Variants in IL15RA observed in about 807,000 individuals in gnomAD.
IL15RA encodes the protein interleukin 15 receptor subunit alpha.
A neutral mutation model predicts 24.2 loss-of-function variants in IL15RA; 26 were observed. That is an observed-to-expected ratio of 1.07 (90% CI 0.79 to 1.49). IL15RA has a LOEUF of 1.49. Ranked by LOEUF, IL15RA falls within the 40% of genes most tolerant of loss-of-function variation. IL15RA has a pLI of 0.00. For missense variants in IL15RA, 354 were observed against 356.4 expected (o/e 0.99, Z 0.05); for synonymous variants, 166 against 157.6 (o/e 1.05, Z -0.40).
At position 5,965,171 on chromosome 10, in the gene IL15RA, G is replaced by A. The variant is rs753344569; in HGVS notation, c.283+974C>T. Among the ~76,000 whole-genome samples the A allele has an allele frequency of 6.6e-6, 1 of 152,172 alleles. No homozygotes were observed. The highest frequency in any genetic ancestry group is 1.5e-5 in the Non-Finnish European group (1 of 68,014). On this transcript the variant is annotated intron_variant, in intron 2 of 6. Transcript: ENST00000379977. This position sits in a 1 kb window ranked among gnomAD's most constrained non-coding sequence, Gnocchi z 5.8. ...AGTGTTCCAGAAACAGCTCCAAGTGGTTCCCACCCGAGATGGTTTGGCTGC... is the reference window on the plus strand; with the variant it reads ...AGTGTTCCAGAAACAGCTCCAAGTGATTCCCACCCGAGATGGTTTGGCTGC...
Position 5,961,539 on chromosome 10 carries a change from C to G in IL15RA, c.383-972G>C, listed in dbSNP as rs538240865. On this transcript the variant is annotated intron_variant, in intron 3 of 6. Coordinates refer to ENST00000379977, the MANE Select transcript of IL15RA (RefSeq NM_002189.4). The surrounding 1 kb of genome is among the most constrained non-coding windows in gnomAD (Gnocchi z 5.2). ...TGAAGCTGCGCTGGCCGAGGACGCTCGGAGCGGCTGCGTGTGAAACACGGG... is the reference window on the plus strand; with the variant it reads ...TGAAGCTGCGCTGGCCGAGGACGCTGGGAGCGGCTGCGTGTGAAACACGGG... 6.6e-6 allele frequency among the ~76,000 whole-genome samples: 1 copy of G among 152,358 alleles called. No homozygotes were observed. The highest frequency in any genetic ancestry group is 2.1e-4 in the South Asian group (1 of 4,830).
Position 5,965,240 on chromosome 10 carries a change from T to C in IL15RA, c.283+905A>G, listed in dbSNP as rs1836313508. On this transcript the variant is annotated intron_variant, in intron 2 of 6. Coordinates refer to ENST00000379977, the MANE Select transcript of IL15RA (RefSeq NM_002189.4). The surrounding 1 kb of genome is among the most constrained non-coding windows in gnomAD (Gnocchi z 5.8). ...GGTGCAGACAGTTAAAAAAAAAAGT[T>C]GATTCTTGCCACCTTCCCTCACCCC... Among the ~76,000 whole-genome samples, 1 of 151,420 alleles carries C rather than the reference T, an allele frequency of 6.6e-6. No homozygotes were observed.
Position 5,960,517 on chromosome 10 carries a change from C to G in IL15RA, c.433G>C (p.Ala145Pro). The G allele has an allele frequency of 6.2e-7, 1 of 1,614,192 alleles. No individual in the cohort carries two copies. The highest frequency in any genetic ancestry group is 8.5e-7 in the Non-Finnish European group (1 of 1,180,034). The part of the protein sequence containing the change: ...SSNNTAATTA[A>P]IVPGSQLMPS... ...ATCAGCTGGGAGCCCGGGACAATAG[C>G]TGCTGTTGTGGCCGCTGTGTTGTTT... The change falls in exon 4 of 7, where the codon GCT becomes CCT. Residue 145 changes from alanine to proline, a missense_variant. Transcript: ENST00000379977. This position sits in a 1 kb window ranked among gnomAD's most constrained non-coding sequence, Gnocchi z 5.1.
rs1398348932 is a variant in IL15RA, at chr10:5,968,775, C to T, written c.89-2436G>A. 1 of 704,412 alleles carries T rather than the reference C, an allele frequency of 1.4e-6. No homozygotes were observed. The highest frequency in any genetic ancestry group is 1.7e-5 in the African/African-American group (1 of 57,384). The allele number at this position is 704,412 out of a possible 1,614,324, so 43.6% of individuals were successfully genotyped here. A position where few individuals can be genotyped will look rare whatever the true frequency, so the allele number is the denominator to read the frequency against. ...CCCTCCATGATAGATGGCTGTGCTA[C>T]CTGCTTGCTGCCTGCTTGTCCGATG... On this transcript the variant is annotated intron_variant, in intron 1 of 6. Coordinates refer to ENST00000379977, the MANE Select transcript of IL15RA (RefSeq NM_002189.4). The surrounding 1 kb of genome is among the most constrained non-coding windows in gnomAD (Gnocchi z 5.4).
At chr10:5,949,240 G>C (rs989143740), downstream of IL15RA, 3 of 471,168 alleles carry the variant, frequency 6.4e-6, no homozygotes, top group Non-Finnish European at 1.3e-5. This position sits in a 1 kb window ranked among gnomAD's most constrained non-coding sequence, Gnocchi z 4.4. Flanking sequence ...TTCTCTGTGA[G>C]CTGCAAGTCA....
upstream of IL15RA, chr10:5,977,591 G>A (rs991325518): frequency 4.4e-5 from 55 of 1,256,874 alleles, no homozygotes; most frequent in Non-Finnish European, 5.4e-5. Context: ...CGCCCCGCCA[G>A]TCGCATTCGC....
rs1835045905 is a variant in IL15RA, at chr10:5,959,106, T to G, written c.616+648A>C. Among the ~76,000 whole-genome samples, 1 of 152,154 alleles carries G rather than the reference T, an allele frequency of 6.6e-6. No homozygotes were observed. Among genetic ancestry groups the G allele is most frequent in the Non-Finnish European group, 1.5e-5 (1 of 68,036 alleles). On this transcript the variant is annotated intron_variant, in intron 5 of 6. Transcript: ENST00000379977. This position sits in a 1 kb window ranked among gnomAD's most constrained non-coding sequence, Gnocchi z 4.1. Reference sequence around the variant, plus strand: ...CCTAGCCTTAGCATTGCGTGTGACTTCTGTAAAGAGGAGCAGATTTTTGGT... The same window carrying G: ...CCTAGCCTTAGCATTGCGTGTGACTGCTGTAAAGAGGAGCAGATTTTTGGT...
Position 5,970,522 on chromosome 10 carries a change from C to A in IL15RA, c.89-4183G>T, listed in dbSNP as rs1589243582. ...GAAAGGAAGTCTATCAGTGGTTCTT[C>A]CATTCTGAACGGTCCTCAAACCAAG... On this transcript the variant is annotated intron_variant, in intron 1 of 6. Coordinates refer to ENST00000379977, the MANE Select transcript of IL15RA (RefSeq NM_002189.4). This position sits in a 1 kb window ranked among gnomAD's most constrained non-coding sequence, Gnocchi z 4.1. Among the ~76,000 whole-genome samples, 2 of 152,168 alleles carry A rather than the reference C, an allele frequency of 1.3e-5. No homozygotes were observed. The highest frequency in any genetic ancestry group is 6.8e-3 in the Middle Eastern group (2 of 294).
In IL15RA at chr10:5,975,248, A is replaced by G. The variant is rs1772570827; in HGVS notation, c.88+2157T>C. The stretch of plus-strand genomic sequence containing the variant: ...GCCATGGGTAGAATACTACTACTCA[A>G]TGGTAGAAACTAATGAACTACTTAT... On this transcript the variant is annotated intron_variant, in intron 1 of 6. Transcript: ENST00000379977. This position sits in a 1 kb window ranked among gnomAD's most constrained non-coding sequence, Gnocchi z 4.8. Among the ~76,000 whole-genome samples the G allele has an allele frequency of 6.6e-6, 1 of 152,352 alleles. No homozygotes were observed. The highest frequency in any genetic ancestry group is 2.1e-4 in the South Asian group (1 of 4,828).
At chr10:5,951,274 G>A (rs1380255295), downstream of IL15RA, among the ~76,000 whole-genome samples, 2 of 151,532 alleles carry the variant, frequency 1.3e-5, no homozygotes, top group African/African-American at 2.4e-5. Flanking sequence ...AGTGAGCCAA[G>A]ATTGCATCAC....
rs961480056 is a variant in IL15RA, at chr10:5,962,572, A to G, written c.382+1171T>C. On this transcript the variant is annotated intron_variant, in intron 3 of 6. Transcript: ENST00000379977. The surrounding 1 kb of genome is among the most constrained non-coding windows in gnomAD (Gnocchi z 5.2). ...TCACCTCTGCCCTCCAGACTGGGCA[A>G]TAGAGCAAGACCCCATCTCAAAAAA... Among the ~76,000 whole-genome samples the G allele has an allele frequency of 6.7e-6, 1 of 149,782 alleles. No homozygotes were observed. Among genetic ancestry groups the G allele is most frequent in the African/African-American group, 2.5e-5 (1 of 40,280 alleles).
chr10:5,965,257 C>T lies in IL15RA; in HGVS notation c.283+888G>A, dbSNP rs899568552. On this transcript the variant is annotated intron_variant, in intron 2 of 6. Coordinates refer to ENST00000379977, the MANE Select transcript of IL15RA (RefSeq NM_002189.4). The surrounding 1 kb of genome is among the most constrained non-coding windows in gnomAD (Gnocchi z 5.8). ...AAAAAAGTTGATTCTTGCCACCTTCCCTCACCCCTGCTGGACACCATGCAC... is the reference window on the plus strand; with the variant it reads ...AAAAAAGTTGATTCTTGCCACCTTCTCTCACCCCTGCTGGACACCATGCAC... Among the ~76,000 whole-genome samples the T allele has an allele frequency of 7.9e-5, 12 of 152,192 alleles. No individual in the cohort carries two copies. Among genetic ancestry groups the T allele is most frequent in the Admixed American group, 7.8e-4 (12 of 15,290 alleles).
At chr10:5,972,642 C>T (rs1037392891) in intron 1 of IL15RA, among the ~76,000 whole-genome samples, 1 of 152,220 alleles carries the variant, frequency 6.6e-6, no homozygotes, top group Non-Finnish European at 1.5e-5. Flanking sequence ...CAACTGCATA[C>T]ATGCCCACAT....
At chr10:5,949,000 T>C (rs1833689483), downstream of IL15RA, 1 of 322,398 alleles carries the variant, frequency 3.1e-6, no homozygotes, top group African/African-American at 2.2e-5. Flanking sequence ...TATAAATGCA[T>C]ATATATGTAA....
In IL15RA at chr10:5,961,555, G is replaced by C. The variant is rs542987954; in HGVS notation, c.383-988C>G. On this transcript the variant is annotated intron_variant, in intron 3 of 6. Coordinates refer to ENST00000379977, the MANE Select transcript of IL15RA (RefSeq NM_002189.4). The surrounding 1 kb of genome is among the most constrained non-coding windows in gnomAD (Gnocchi z 5.2). The stretch of plus-strand genomic sequence containing the variant: ...GAGGACGCTCGGAGCGGCTGCGTGT[G>C]AAACACGGGAAGCCTGGGCTCTGGC... Among the ~76,000 whole-genome samples, 1 of 152,388 alleles carries C rather than the reference G, an allele frequency of 6.6e-6. No individual in the cohort carries two copies. Among genetic ancestry groups the C allele is most frequent in the East Asian group, 1.9e-4 (1 of 5,188 alleles).
chr10:5,953,216 A>C lies in IL15RA; in HGVS notation c.693-10T>G. On this transcript the variant is annotated splice_polypyrimidine_tract_variant and intron_variant, in intron 6 of 6. Coordinates refer to ENST00000379977, the MANE Select transcript of IL15RA (RefSeq NM_002189.4). This position sits in a 1 kb window ranked among gnomAD's most constrained non-coding sequence, Gnocchi z 5.3. ...CAGCGGGGGAGTTTGCCTGCAAAGC[A>C]GGTGGTTCATAGGTTTTGAAAAGAG... The C allele has an allele frequency of 6.2e-7, 1 of 1,606,660 alleles. No individual in the cohort carries two copies. Among genetic ancestry groups the C allele is most frequent in the Admixed American group, 1.7e-5 (1 of 60,010 alleles).
In IL15RA at chr10:5,953,208, T is replaced by G. The variant is rs929310479; in HGVS notation, c.693-2A>C. 3 of 1,611,642 alleles carry G rather than the reference T, an allele frequency of 1.9e-6. No homozygotes were observed. The highest frequency in any genetic ancestry group is 2.5e-6 in the Non-Finnish European group (3 of 1,177,656). On this transcript the variant is annotated splice_acceptor_variant, in intron 6 of 6. Coordinates refer to ENST00000379977, the MANE Select transcript of IL15RA (RefSeq NM_002189.4). LOFTEE classifies it high-confidence loss of function. The surrounding 1 kb of genome is among the most constrained non-coding windows in gnomAD (Gnocchi z 5.3). Reference sequence around the variant, plus strand: ...ACGCTGGCCAGCGGGGGAGTTTGCCTGCAAAGCAGGTGGTTCATAGGTTTT... The same window carrying G: ...ACGCTGGCCAGCGGGGGAGTTTGCCGGCAAAGCAGGTGGTTCATAGGTTTT...
rs1367691594 is a variant in IL15RA, at chr10:5,976,206, A to G, written c.88+1199T>C. 2.1e-5 allele frequency among the ~76,000 whole-genome samples: 3 copies of G among 144,444 alleles called. No homozygotes were observed. The East Asian group carries it at 6.7e-4, about 32-fold the overall frequency. The allele number at this position is 144,444 out of a possible 152,430, so 94.8% of individuals were successfully genotyped here. A position where few individuals can be genotyped will look rare whatever the true frequency, so the allele number is the denominator to read the frequency against. On this transcript the variant is annotated intron_variant, in intron 1 of 6. Coordinates refer to ENST00000379977, the MANE Select transcript of IL15RA (RefSeq NM_002189.4). ...GTCACCAACTAACTCTGCTTCTCAG[A>G]TGTGGGGGGAAATCCAAGCATCAGA... is the stretch of plus-strand genomic sequence containing the variant.
chr10:5,975,285 C>A lies in IL15RA; in HGVS notation c.88+2120G>T, dbSNP rs1277584110. Among the ~76,000 whole-genome samples, 2 of 152,196 alleles carry A rather than the reference C, an allele frequency of 1.3e-5. No homozygotes were observed. The highest frequency in any genetic ancestry group is 1.3e-4 in the Admixed American group (2 of 15,282). The stretch of plus-strand genomic sequence containing the variant: ...AATGAACTACTTATACAAATTACAA[C>A]ATGGATAAATTCTCAGGATAATTAC... On this transcript the variant is annotated intron_variant, in intron 1 of 6. Coordinates refer to ENST00000379977, the MANE Select transcript of IL15RA (RefSeq NM_002189.4). This position sits in a 1 kb window ranked among gnomAD's most constrained non-coding sequence, Gnocchi z 4.8.
Sources: allele counts gnomAD v4.1 joint callset (sites outside exome capture counted in the v4.1 genomes callset), GRCh38; gene constraint gnomAD v4.1.1; non-coding constraint Gnocchi (gnomAD v3.1); transcripts MANE v1.5; gene names NCBI Gene and HGNC (gene_info 2026-07-23, HGNC 2026-07-21).